The following KSR2 variants were observed in gnomAD, a reference collection of about 807,000 sequenced individuals.
KSR2 encodes kinase suppressor of ras 2.
Under a neutral mutation model 107.8 loss-of-function variants are expected in KSR2, and 25 were observed. That is an observed-to-expected ratio of 0.23 (90% CI 0.17 to 0.32). The LOEUF (loss-of-function observed/expected upper bound fraction) is 0.32, where lower values mean the gene tolerates loss of function less well. KSR2 is among the 10% of genes least tolerant of loss of function. KSR2 has a pLI of 1.00. For missense variants in KSR2, 887 were observed against 1,268.9 expected (o/e 0.70, Z 4.57); for synonymous variants, 480 against 507.0 (o/e 0.95, Z 0.71).
intron 3 of KSR2, among the ~76,000 whole-genome samples, chr12:117,851,196 A>G (rs1892909335): frequency 2.0e-5 from 3 of 152,200 alleles, no homozygotes; most frequent in Admixed American, 1.3e-4. Flanking sequence ...GGCAGGACAT[A>G]GAAGACTGAG....
At chr12:117,731,436 GC>G (rs1887699305) in intron 4 of KSR2, among the ~76,000 whole-genome samples, 1 of 134,692 alleles carries the variant, frequency 7.4e-6, no homozygotes, top group Non-Finnish European at 1.6e-5. Context: ...CCCCCGCCCA[GC>G]CACCGCCCCG....
At chr12:117,790,124 T>A (rs189123345) in intron 3 of KSR2, among the ~76,000 whole-genome samples, 1 of 152,312 alleles carries the variant, frequency 6.6e-6, no homozygotes, top group African/African-American at 2.4e-5. Flanking sequence ...ATAAGAGTTG[T>A]GAGCCCAAAT....
chr12:117,769,341 T>C (rs1308802080), intron 3 of KSR2, among the ~76,000 whole-genome samples: 5 of 152,132 alleles, frequency 3.3e-5, no homozygotes, highest in Non-Finnish European at 7.3e-5. Context: ...ATGCTGGTAA[T>C]GCAGGTCTGG....
At chr12:117,760,942 T>G (rs1310681194) in intron 4 of KSR2, 69 bp downstream of exon 4, 5 of 1,594,020 alleles carry the variant, frequency 3.1e-6, no homozygotes, top group Non-Finnish European at 4.3e-6. Context: ...GGGCAGTTCC[T>G]GGGACCAAGG....
chr12:117,666,247 G>C (rs956651015), intron 5 of KSR2, among the ~76,000 whole-genome samples: 1 of 152,086 alleles, frequency 6.6e-6, no homozygotes, highest in Non-Finnish European at 1.5e-5. Flanking sequence ...CTCACTATTC[G>C]GGCCCCAGCC....
At chr12:117,658,453 G>A (rs1434719067) in intron 5 of KSR2, among the ~76,000 whole-genome samples, 1 of 152,184 alleles carries the variant, frequency 6.6e-6, no homozygotes, top group Non-Finnish European at 1.5e-5. Flanking sequence ...GCCTGCTATT[G>A]TAAGTCAAGT....
intron 3 of KSR2, among the ~76,000 whole-genome samples, chr12:117,774,644 A>G (rs1424532394): frequency 1.3e-5 from 2 of 152,234 alleles, no homozygotes; most frequent in East Asian, 3.8e-4. Flanking sequence ...TGTTTTAACA[A>G]AGCTCTTTTT....
intron 1 of KSR2, among the ~76,000 whole-genome samples, chr12:117,931,680 G>A (rs923707783): frequency 9.9e-5 from 15 of 152,144 alleles, no homozygotes; most frequent in African/African-American, 2.9e-4. Flanking sequence ...TGCTAGGCAC[G>A]GAGCCCAAAC....
At chr12:117,483,071 G>A (rs1037554964) in intron 16 of KSR2, among the ~76,000 whole-genome samples, 1 of 152,138 alleles carries the variant, frequency 6.6e-6, no homozygotes, top group African/African-American at 2.4e-5. Context: ...TTGCCCTCCC[G>A]GGCTTCTTGG....
At chr12:117,645,464 T>A (rs1175665520) in intron 5 of KSR2, among the ~76,000 whole-genome samples, 2 of 152,244 alleles carry the variant, frequency 1.3e-5, no homozygotes, top group African/African-American at 4.8e-5. Flanking sequence ...GCCCAAGTTC[T>A]ATGGGATTTC....
chr12:117,930,042 T>TA lies in KSR2; in HGVS notation c.180+38033dup, dbSNP rs200443884. Reference sequence around the variant, plus strand: ...AATATCATGTATACATACCTCAATTTAAAAAAAATTTTTTTTTTTTGAGAC... The same window carrying TA: ...AATATCATGTATACATACCTCAATTTAAAAAAAAATTTTTTTTTTTTGAGAC... On this transcript the variant is annotated intron_variant, in intron 1 of 19. Transcript: ENST00000339824. Among the ~76,000 whole-genome samples, 206 of 152,088 alleles carry TA rather than the reference T, an allele frequency of 1.4e-3. 5 individuals carry two copies. In the South Asian group the frequency reaches 0.039, roughly 28 times the overall value.
At chr12:117,889,643 G>C (rs1243541176) in intron 1 of KSR2, 4 of 152,164 alleles carry the variant, frequency 2.6e-5, no homozygotes, top group Non-Finnish European at 5.9e-5. Context: ...AATTCAGATG[G>C]ATAGACTGCA....
chr12:117,554,896 G>T (rs1877549595), intron 9 of KSR2, among the ~76,000 whole-genome samples: 1 of 152,136 alleles, frequency 6.6e-6, no homozygotes, highest in South Asian at 2.1e-4. Context: ...CTCCTTTTAA[G>T]TCTCTCCTCC....
chr12:117,917,717 A>G (rs1031643125), intron 1 of KSR2, among the ~76,000 whole-genome samples: 4 of 151,986 alleles, frequency 2.6e-5, no homozygotes, highest in African/African-American at 9.7e-5. Flanking sequence ...GGATGAATAT[A>G]TTTACCTGTG....
chr12:117,951,036 T>C (rs559834397), intron 1 of KSR2, among the ~76,000 whole-genome samples: 6 of 152,012 alleles, frequency 3.9e-5, no homozygotes, highest in Non-Finnish European at 7.4e-5. Flanking sequence ...GCCTCCCAAG[T>C]AGCTGGGACT....
intron 5 of KSR2, among the ~76,000 whole-genome samples, chr12:117,608,481 C>T (rs1339783243): frequency 1.3e-5 from 2 of 152,178 alleles, no homozygotes; most frequent in Non-Finnish European, 2.9e-5. Flanking sequence ...CTCCAGAATG[C>T]AGGGCTTTGC....
chr12:117,906,201 A>C (rs1200571713), intron 1 of KSR2, among the ~76,000 whole-genome samples: 1 of 151,882 alleles, frequency 6.6e-6, no homozygotes, highest in East Asian at 1.9e-4. Flanking sequence ...AATACAAAAA[A>C]AATTAACCAG....
intron 4 of KSR2, among the ~76,000 whole-genome samples, chr12:117,690,306 G>A (rs191963869): frequency 1.3e-5 from 2 of 152,332 alleles, no homozygotes; most frequent in Non-Finnish European, 1.5e-5. Context: ...GCTTACACCT[G>A]TAATCTCAGT....
In KSR2 at chr12:117,785,669, A is replaced by T. The variant is rs530485311; in HGVS notation, c.473-24145T>A. The stretch of plus-strand genomic sequence containing the variant: ...AATTCATTGGAAAATGTTCTCATTT[A>T]CTGGATGAGCTCAATATCAAAACGG... On this transcript the variant is annotated intron_variant, in intron 3 of 19. Transcript: ENST00000339824. 3.9e-4 allele frequency among the ~76,000 whole-genome samples: 60 copies of T among 152,310 alleles called. 1 individual carries two copies. The East Asian group carries it at 0.01, about 25-fold the overall frequency.
Sources: allele counts gnomAD v4.1 joint callset (sites outside exome capture counted in the v4.1 genomes callset), GRCh38; gene constraint gnomAD v4.1.1; transcripts MANE v1.5; gene names NCBI Gene and HGNC (gene_info 2026-07-23, HGNC 2026-07-21).